The following KATNBL1 variants were observed in gnomAD, a reference collection of about 807,000 sequenced individuals.
The protein encoded by KATNBL1 is katanin regulatory subunit B1 like 1.
KATNBL1 carries 28 observed loss-of-function variants against 44.7 expected under a neutral mutation model. The ratio of observed to expected loss-of-function variants is 0.63; its 90% CI spans 0.46 to 0.86. KATNBL1 has a LOEUF of 0.86. Among genes scored for constraint, KATNBL1 ranks in the 40% least tolerant of loss-of-function variants. The pLI is 0.00. For missense variants in KATNBL1, 272 were observed against 350.7 expected (o/e 0.78, Z 1.79); for synonymous variants, 78 against 114.9 (o/e 0.68, Z 2.06).
At chr15:34,144,467 C>A (rs943669104) in intron 9 of KATNBL1, among the ~76,000 whole-genome samples, 1 of 150,728 alleles carries the variant, frequency 6.6e-6, no homozygotes, top group African/African-American at 2.4e-5. Flanking sequence ...TTTTTATATT[C>A]CTGGCTAATG....
chr15:34,162,179 A>G (rs1888826643), intron 2 of KATNBL1, among the ~76,000 whole-genome samples: 1 of 152,132 alleles, frequency 6.6e-6, no homozygotes, highest in Non-Finnish European at 1.5e-5. Context: ...TCCCCACCCA[A>G]ATCTCATCTT....
chr15:34,206,211 G>A (rs1890289322), intron 1 of KATNBL1, among the ~76,000 whole-genome samples: 1 of 152,116 alleles, frequency 6.6e-6, no homozygotes, highest in Admixed American at 6.6e-5. Context: ...GCTAGAATGA[G>A]CATCTCATGA....
At chr15:34,181,815 C>CCATATATATCCATATATAT in intron 1 of KATNBL1, among the ~76,000 whole-genome samples, 1 of 69,202 alleles carries the variant, frequency 1.4e-5, no homozygotes, top group East Asian at 3.4e-4. Flanking sequence ...TACATATATA[C>CCATATATATCCATATATAT]ATGTCCATAT....
At chr15:34,154,715 G>C in intron 2 of KATNBL1, 31 bp from the exon 3 acceptor site, 1 of 1,434,548 alleles carries the variant, frequency 7.0e-7, no homozygotes, top group Non-Finnish European at 9.8e-7. Context: ...GTTGATGTTA[G>C]AAACAAATGC....
chr15:34,206,704 T>G (rs1890300880), intron 1 of KATNBL1, among the ~76,000 whole-genome samples: 1 of 151,756 alleles, frequency 6.6e-6, no homozygotes, highest in South Asian at 2.1e-4. Context: ...GGCAGGAGAA[T>G]AGCTTGAACC....
At chr15:34,175,957 G>A (rs1407518095) in intron 1 of KATNBL1, among the ~76,000 whole-genome samples, 2 of 152,124 alleles carry the variant, frequency 1.3e-5, no homozygotes, top group African/African-American at 2.4e-5. Flanking sequence ...ACAAAGATAT[G>A]TATGCAAATG....
At position 34,203,538 on chromosome 15, in the gene KATNBL1, A is replaced by G. The variant is rs1192850232; in HGVS notation, c.-15+6413T>C. ...ACCCTCACTTACAATCATTCTCTAT[A>G]GCAGTACCCTGTATTTTTCCCCCAC... On this transcript the variant is annotated intron_variant, in intron 1 of 9. Transcript: ENST00000256544. 2.6e-5 allele frequency among the ~76,000 whole-genome samples: 4 copies of G among 152,186 alleles called. No homozygotes were observed. The South Asian group carries it at 6.2e-4, about 24-fold the overall frequency.
chr15:34,168,908 G>A lies in KATNBL1; in HGVS notation c.-14-5218C>T, dbSNP rs182044080. On this transcript the variant is annotated intron_variant, in intron 1 of 9. Coordinates refer to ENST00000256544, the MANE Select transcript of KATNBL1 (RefSeq NM_024713.3). Reference sequence around the variant, plus strand: ...AAACCAATGAGAACAAAGACACAACGAACCAGAATCTCTGGGACACATTTA... The same window carrying A: ...AAACCAATGAGAACAAAGACACAACAAACCAGAATCTCTGGGACACATTTA... Among the ~76,000 whole-genome samples the A allele has an allele frequency of 4.0e-3, 609 of 152,182 alleles. 6 individuals carry two copies. The highest frequency in any genetic ancestry group is 0.014 in the African/African-American group (590 of 41,520).
intron 1 of KATNBL1, among the ~76,000 whole-genome samples, chr15:34,170,933 T>C (rs906734209): frequency 2.6e-5 from 4 of 152,166 alleles, no homozygotes; most frequent in Non-Finnish European, 5.9e-5. Flanking sequence ...CAACAATTAA[T>C]TCAAGATGGA....
chr15:34,172,123 C>G (rs1203480408), intron 1 of KATNBL1, among the ~76,000 whole-genome samples: 1 of 151,708 alleles, frequency 6.6e-6, no homozygotes, highest in Non-Finnish European at 1.5e-5. Context: ...AAAGGTAACC[C>G]TAAGAACAAG....
chr15:34,181,700 A>G lies in KATNBL1; in HGVS notation c.-14-18010T>C, dbSNP rs62016521. Among the ~76,000 whole-genome samples the G allele has an allele frequency of 3.2e-4, 9 of 28,342 alleles. 2 individuals are homozygous for G. Among genetic ancestry groups the G allele is most frequent in the African/African-American group, 8.9e-4 (8 of 8,956 alleles). 18.6% of individuals were successfully genotyped at this position (28,342 alleles called of 152,430 possible). On this transcript the variant is annotated intron_variant, in intron 1 of 9. Coordinates refer to ENST00000256544, the MANE Select transcript of KATNBL1 (RefSeq NM_024713.3). ...TACACATATATATGTCCATATATATATCCATATATATGGACATATATATGT... is the reference window on the plus strand; with the variant it reads ...TACACATATATATGTCCATATATATGTCCATATATATGGACATATATATGT...
chr15:34,152,068 G>T (rs1888496909), intron 4 of KATNBL1, among the ~76,000 whole-genome samples: 1 of 150,540 alleles, frequency 6.6e-6, no homozygotes, highest in Non-Finnish European at 1.5e-5. Flanking sequence ...AGCCTCCCAA[G>T]CAGCTGGGAT....
At chr15:34,151,975 C>G (rs1017669351) in intron 4 of KATNBL1, among the ~76,000 whole-genome samples, 17 of 148,262 alleles carry the variant, frequency 1.1e-4, no homozygotes, top group Non-Finnish European at 2.5e-4. Context: ...GAGTCTTGCT[C>G]TCTTGCCCAG....
chr15:34,181,414 C>T (rs920029946), intron 1 of KATNBL1, among the ~76,000 whole-genome samples: 1 of 151,584 alleles, frequency 6.6e-6, no homozygotes, highest in African/African-American at 2.4e-5. Flanking sequence ...GACATACTCT[C>T]GTTTCTCTTC....
At chr15:34,179,600 C>T (rs1161398073) in intron 1 of KATNBL1, among the ~76,000 whole-genome samples, 1 of 152,044 alleles carries the variant, frequency 6.6e-6, no homozygotes, top group African/African-American at 2.4e-5. Context: ...TCCAGAATAG[C>T]CAAGACTATA....
At chr15:34,194,139 T>C (rs889918759) in intron 1 of KATNBL1, among the ~76,000 whole-genome samples, 4 of 151,974 alleles carry the variant, frequency 2.6e-5, no homozygotes, top group African/African-American at 9.7e-5. Context: ...ACGGGGTTTC[T>C]CCATATTGGC....
intron 2 of KATNBL1, among the ~76,000 whole-genome samples, chr15:34,157,340 T>C (rs1205569968): frequency 1.3e-5 from 2 of 152,158 alleles, no homozygotes; most frequent in East Asian, 1.9e-4. Flanking sequence ...GTCCATCCCA[T>C]TTCTGCTGTT....
At chr15:34,204,022 TAAAAA>T (rs35383096) in intron 1 of KATNBL1, among the ~76,000 whole-genome samples, 4 of 130,670 alleles carry the variant, frequency 3.1e-5, no homozygotes, top group Non-Finnish European at 6.5e-5. Context: ...AGAACTTAAT[TAAAAA>T]AAAAAAAAAA....
chr15:34,156,457 T>C (rs1337044185), intron 2 of KATNBL1, among the ~76,000 whole-genome samples: 1 of 152,226 alleles, frequency 6.6e-6, no homozygotes, highest in Non-Finnish European at 1.5e-5. Context: ...GCATAACAAT[T>C]GCTTTTGTTT....
Sources: allele counts gnomAD v4.1 joint callset (sites outside exome capture counted in the v4.1 genomes callset), GRCh38; gene constraint gnomAD v4.1.1; transcripts MANE v1.5; gene names NCBI Gene and HGNC (gene_info 2026-07-23, HGNC 2026-07-21).